MYL4: variants seen among roughly 807,000 people sequenced by gnomAD.
MYL4 encodes atrial myosin light chain 1.
Under a neutral mutation model 21.6 loss-of-function variants are expected in MYL4, and 16 were observed. The ratio of observed to expected loss-of-function variants is 0.74; its 90% CI spans 0.50 to 1.12. MYL4 has a LOEUF of 1.12. Ranked by LOEUF, MYL4 falls within the 50% of genes most tolerant of loss-of-function variation. The pLI is 0.00. For missense variants in MYL4, 249 were observed against 252.9 expected, an observed-to-expected ratio of 0.98 and a Z score of 0.11; for synonymous variants, 82 against 95.7, an observed-to-expected ratio of 0.86 and a Z score of 0.83.
intron 2 of MYL4, among the ~76,000 whole-genome samples, chr17:47,215,466 C>T (rs2064806716): frequency 1.3e-5 from 2 of 152,046 alleles, no homozygotes; most frequent in African/African-American, 4.8e-5. Flanking sequence ...TTTACCCCAG[C>T]GATCTTTTCA....
upstream of MYL4, among the ~76,000 whole-genome samples, chr17:47,198,383 C>T (rs1001734344): frequency 1.3e-5 from 2 of 151,928 alleles, no homozygotes; most frequent in African/African-American, 2.4e-5. Context: ...TCAGAAGTGA[C>T]GTATATACCT....
chr17:47,192,360 A>C, the MYL4 span, among the ~76,000 whole-genome samples: 2 of 149,854 alleles, frequency 1.3e-5, no homozygotes, highest in African/African-American at 2.5e-5. Flanking sequence ...GTCTCAAAAA[A>C]AAAAAAAGGC....
the MYL4 span, among the ~76,000 whole-genome samples, chr17:47,192,853 T>C: frequency 6.6e-6 from 1 of 152,208 alleles, no homozygotes; most frequent in Non-Finnish European, 1.5e-5. Context: ...TGTCATCCGT[T>C]ATCCAATATG....
At position 47,217,249 on chromosome 17, in the gene MYL4, G is replaced by A. The variant is rs568333798; in HGVS notation, c.164-2655G>A. On this transcript the variant is annotated intron_variant, in intron 2 of 6. Transcript: ENST00000393450. ...AGGCAGGTGGATCACTTGAGGTCAT[G>A]AGTTGGAGACCAGCCTGGCCAACGT... 9.2e-5 allele frequency among the ~76,000 whole-genome samples: 14 copies of A among 152,236 alleles called. No homozygotes were observed. The East Asian group carries it at 2.7e-3, about 29-fold the overall frequency.
At chr17:47,218,712 G>T (rs1324364734) in intron 2 of MYL4, among the ~76,000 whole-genome samples, 1 of 152,166 alleles carries the variant, frequency 6.6e-6, no homozygotes, top group Non-Finnish European at 1.5e-5. Context: ...GCTTGAATCT[G>T]GGAGGCGGAG....
chr17:47,215,045 C>A (rs1429788752), intron 2 of MYL4, among the ~76,000 whole-genome samples: 3 of 152,098 alleles, frequency 2.0e-5, no homozygotes, highest in Non-Finnish European at 4.4e-5. Context: ...AAGGATGGTG[C>A]ATTTTAAATT....
intron 2 of MYL4, among the ~76,000 whole-genome samples, chr17:47,217,915 G>A (rs949709074): frequency 8.6e-5 from 13 of 151,944 alleles, no homozygotes; most frequent in Admixed American, 8.5e-4. Context: ...TGCCTGTAAT[G>A]CCTGTAATCC....
chr17:47,204,199 A>G (rs2064719188), upstream of MYL4, among the ~76,000 whole-genome samples: 1 of 152,216 alleles, frequency 6.6e-6, no homozygotes, highest in Admixed American at 6.5e-5. Context: ...AAGGGAGATC[A>G]GAACCCTGAG....
upstream of MYL4, chr17:47,209,224 G>T (rs1187858591): frequency 2.8e-5 from 20 of 715,972 alleles, no homozygotes; most frequent in African/African-American, 3.5e-5. Flanking sequence ...ATACACAGTT[G>T]TCAGCTGTAC....
chr17:47,191,908 A>T, the MYL4 span, among the ~76,000 whole-genome samples: 2 of 152,332 alleles, frequency 1.3e-5, no homozygotes, highest in African/African-American at 4.8e-5. Context: ...TTGTAAACCT[A>T]AATATAGGAC....
At chr17:47,193,873 A>G in the MYL4 span, among the ~76,000 whole-genome samples, 2 of 152,102 alleles carry the variant, frequency 1.3e-5, no homozygotes, top group African/African-American at 4.8e-5. Flanking sequence ...CTCCTGCCTC[A>G]GCCTCCCGAG....
upstream of MYL4, among the ~76,000 whole-genome samples, chr17:47,196,683 T>C (rs1481871089): frequency 6.6e-6 from 1 of 152,204 alleles, no homozygotes; most frequent in Non-Finnish European, 1.5e-5. Flanking sequence ...TTCCTAGACC[T>C]ACCTAATTTA....
At chr17:47,203,206 C>A (rs1005430477) in intron 1 of MYL4, among the ~76,000 whole-genome samples, 5 of 152,206 alleles carry the variant, frequency 3.3e-5, no homozygotes, top group Admixed American at 6.5e-5. Flanking sequence ...CTGCCTCAGC[C>A]TCCCAAAGTG....
At chr17:47,223,214 C>G in intron 6 of MYL4, 157 bp downstream of exon 6, 1 of 690,874 alleles carries the variant, frequency 1.4e-6, no homozygotes, top group African/African-American at 1.8e-5. Flanking sequence ...CTCACCATCT[C>G]CTGTCTCCTG....
rs115064632 is a variant in MYL4 at position 47,221,996 on chromosome 17, T to C, written c.487+141T>C. Reference sequence around the variant, plus strand: ...GGATAATGACCTGATCCAGGCCCTGTCTCCCTGGGCTCTGCAAGAACAACC... The same window carrying C: ...GGATAATGACCTGATCCAGGCCCTGCCTCCCTGGGCTCTGCAAGAACAACC... On this transcript the variant is annotated intron_variant, in intron 4 of 6. Transcript: ENST00000393450. 3.7e-3 allele frequency: 3,672 copies of C among 987,840 alleles called. 98 individuals carry two copies. In the African/African-American group the frequency reaches 0.054, roughly 14 times the overall value. The allele number at this position is 987,840 out of a possible 1,614,324, so 61.2% of individuals were successfully genotyped here.
chr17:47,199,433 G>A (rs531286529), upstream of MYL4, among the ~76,000 whole-genome samples: 205 of 151,938 alleles, frequency 1.3e-3, no homozygotes, highest in Non-Finnish European at 2.3e-3. Flanking sequence ...CGATCCTCCC[G>A]CCTTGGCCTC....
upstream of MYL4, among the ~76,000 whole-genome samples, chr17:47,197,092 G>GTTTT (rs71365051): frequency 6.5e-4 from 74 of 113,362 alleles, no homozygotes; most frequent in African/African-American, 1.6e-3. Context: ...TCCTTAAAGG[G>GTTTT]TTTTTTTTTT....
chr17:47,222,757 G>A (rs2064866505), intron 5 of MYL4, among the ~76,000 whole-genome samples: 1 of 152,186 alleles, frequency 6.6e-6, no homozygotes, highest in Non-Finnish European at 1.5e-5. Context: ...TCTCAAGGCT[G>A]TGGGGATTCA....
At chr17:47,224,731 C>T (rs1044299059), downstream of MYL4, among the ~76,000 whole-genome samples, 17 of 152,132 alleles carry the variant, frequency 1.1e-4, no homozygotes, top group East Asian at 1.9e-4. Context: ...GTTTGGTCCT[C>T]GCTTTTTTAG....
Sources: gnomAD v4.1 joint callset for allele counts (sites outside exome capture counted in the v4.1 genomes callset) on GRCh38, gnomAD v4.1.1 for gene constraint, MANE v1.5 for transcripts, NCBI Gene and HGNC (gene_info 2026-07-23, HGNC 2026-07-21) for gene names.